Variants in PTPRD observed in about 807,000 individuals in gnomAD.
PTPRD encodes the protein protein tyrosine phosphatase receptor type D, also known as receptor-type tyrosine-protein phosphatase delta.
Under a neutral mutation model 214.5 loss-of-function variants are expected in PTPRD, and 34 were observed. The observed-to-expected ratio is 0.16, with a 90% CI of 0.12 to 0.21. The LOEUF (loss-of-function observed/expected upper bound fraction) is 0.21, where lower values mean the gene tolerates loss of function less well. PTPRD is among the 10% of genes least tolerant of loss of function. The probability of loss-of-function intolerance (pLI) is 1.00; values close to 1 mark genes in which losing one functional copy is unlikely to be tolerated. For missense variants in PTPRD, 2,545 were observed against 2,398.7 expected (o/e 1.06, Z -1.27); for synonymous variants, 1,128 against 845.7 (o/e 1.33, Z -5.79).
chr9:8,713,527 C>A, intron 12 of PTPRD: 3 of 1,240,478 alleles, frequency 2.4e-6, no homozygotes, highest in Admixed American at 1.7e-5. Context: ...GAAGTCCCCG[C>A]TGCGGGTGAA....
intron 3 of PTPRD, among the ~76,000 whole-genome samples, chr9:10,331,116 C>T (rs1479937360): frequency 6.6e-6 from 1 of 151,980 alleles, no homozygotes; most frequent in Middle Eastern, 3.4e-3. Flanking sequence ...ACTCCATCAA[C>T]TCTCACAATT....
At chr9:10,609,661 A>C (rs1048814907) in intron 2 of PTPRD, among the ~76,000 whole-genome samples, 1 of 152,160 alleles carries the variant, frequency 6.6e-6, no homozygotes, top group African/African-American at 2.4e-5. Context: ...AGTAATACAC[A>C]GGAAAGATAT....
intron 5 of PTPRD, among the ~76,000 whole-genome samples, chr9:9,778,382 A>T (rs906303874): frequency 6.6e-6 from 1 of 152,206 alleles, no homozygotes; most frequent in Middle Eastern, 3.4e-3. Flanking sequence ...CCTGGGGAAA[A>T]GGCAGAGACA....
intron 23 of PTPRD, among the ~76,000 whole-genome samples, chr9:8,502,977 A>G (rs2097445992): frequency 6.6e-6 from 1 of 151,950 alleles, no homozygotes; most frequent in South Asian, 2.1e-4. Flanking sequence ...TATCTTCTAC[A>G]ATACTATTTA....
intron 4 of PTPRD, among the ~76,000 whole-genome samples, chr9:9,989,356 A>G (rs2095833756): frequency 6.6e-6 from 1 of 152,098 alleles, no homozygotes; most frequent in African/African-American, 2.4e-5. Context: ...TTCTGTACCC[A>G]TAAAAACCCC....
At chr9:10,494,067 T>C (rs142560879) in intron 2 of PTPRD, among the ~76,000 whole-genome samples, 18 of 152,068 alleles carry the variant, frequency 1.2e-4, no homozygotes, top group Admixed American at 2.6e-4. Flanking sequence ...GAGCAGTAGA[T>C]TTTGCTGGTA....
chr9:9,058,858 G>A (rs1169744852), intron 10 of PTPRD, among the ~76,000 whole-genome samples: 1 of 152,106 alleles, frequency 6.6e-6, no homozygotes, highest in African/African-American at 2.4e-5. Flanking sequence ...GGAAAATAAG[G>A]TAATGTAATT....
At chr9:8,716,639 G>A (rs2098439652) in intron 12 of PTPRD, among the ~76,000 whole-genome samples, 1 of 128,528 alleles carries the variant, frequency 7.8e-6, no homozygotes, top group Non-Finnish European at 1.5e-5. Flanking sequence ...CCTAGGGGAT[G>A]GTTCACATAT....
chr9:8,532,413 A>C (rs948254634), intron 14 of PTPRD, among the ~76,000 whole-genome samples: 6 of 152,086 alleles, frequency 3.9e-5, no homozygotes, highest in Non-Finnish European at 5.9e-5. Context: ...GATAACATCA[A>C]TTTTGACGGC....
chr9:9,845,059 A>T (rs372249196), intron 5 of PTPRD, among the ~76,000 whole-genome samples: 1 of 96,724 alleles, frequency 1.0e-5, no homozygotes, highest in Non-Finnish European at 2.0e-5. Context: ...TATATAGAGC[A>T]ATATATATAT....
intron 3 of PTPRD, among the ~76,000 whole-genome samples, chr9:10,042,042 G>C (rs541892214): frequency 6.6e-5 from 10 of 152,146 alleles, no homozygotes; most frequent in African/African-American, 2.4e-4. Flanking sequence ...GAATGACAAT[G>C]AATAATGTTA....
At chr9:9,473,887 G>C (rs546489279) in intron 8 of PTPRD, among the ~76,000 whole-genome samples, 5 of 151,078 alleles carry the variant, frequency 3.3e-5, no homozygotes, top group Admixed American at 3.3e-4. Flanking sequence ...TTGTCAGATG[G>C]GTAGTTTGCA....
At chr9:9,790,294 T>C (rs893820562) in intron 5 of PTPRD, among the ~76,000 whole-genome samples, 1 of 152,160 alleles carries the variant, frequency 6.6e-6, no homozygotes, top group Non-Finnish European at 1.5e-5. Context: ...ATAAAATGTT[T>C]ATCCTCCTCA....
intron 3 of PTPRD, among the ~76,000 whole-genome samples, chr9:10,209,618 A>AT (rs574784269): frequency 8.6e-5 from 13 of 151,468 alleles, no homozygotes; most frequent in Middle Eastern, 3.4e-3. Flanking sequence ...ACCTGACTTT[A>AT]TTTTTTATAC....
At chr9:10,610,521 C>T (rs896873317) in intron 2 of PTPRD, among the ~76,000 whole-genome samples, 11 of 147,230 alleles carry the variant, frequency 7.5e-5, no homozygotes, top group African/African-American at 2.2e-4. Flanking sequence ...TTTTTTTTTT[C>T]CAAATATCAG....
intron 43 of PTPRD, among the ~76,000 whole-genome samples, chr9:8,338,406 G>A (rs1303066146): frequency 6.6e-6 from 1 of 152,076 alleles, no homozygotes. Flanking sequence ...AGCACACTGA[G>A]GAATAAGCCA....
rs1463079805 is a variant in PTPRD at position 8,757,665 on chromosome 9, TACATAC to T, written c.-103-23725_-103-23720del. Among the ~76,000 whole-genome samples the T allele has an allele frequency of 4.7e-3, 662 of 140,278 alleles. 12 individuals carry two copies. Among genetic ancestry groups the T allele is most frequent in the African/African-American group, 0.012 (397 of 34,410 alleles). The allele number at this position is 140,278 out of a possible 152,430, so 92.0% of individuals were successfully genotyped here. On this transcript the variant is annotated intron_variant, in intron 11 of 45. Transcript: ENST00000381196. ...ATACATACATATATACATATATATA[TACATAC>T]ATATATATATATACATAAAAACATT...
chr9:9,868,774 C>G (rs2064674370), intron 5 of PTPRD, among the ~76,000 whole-genome samples: 1 of 150,416 alleles, frequency 6.6e-6, no homozygotes, highest in African/African-American at 2.5e-5. Context: ...ACAGAAAGCA[C>G]AAATGACTTA....
intron 10 of PTPRD, among the ~76,000 whole-genome samples, chr9:9,138,293 G>A (rs1268618291): frequency 8.5e-5 from 13 of 152,212 alleles, no homozygotes; most frequent in African/African-American, 2.9e-4. Context: ...ATATTGAGAT[G>A]TGGTGAGAGT....
Sources: gnomAD v4.1 joint callset for allele counts (sites outside exome capture counted in the v4.1 genomes callset) on GRCh38, gnomAD v4.1.1 for gene constraint, MANE v1.5 for transcripts, NCBI Gene and HGNC (gene_info 2026-07-23, HGNC 2026-07-21) for gene names.